The following GSE1 variants were observed in gnomAD, a reference collection of about 807,000 sequenced individuals.
GSE1 encodes the protein Gse1 coiled-coil protein, also known as genetic suppressor element 1.
GSE1 carries 32 observed loss-of-function variants against 112.6 expected under a neutral mutation model. The ratio of observed to expected loss-of-function variants is 0.28; its 90% CI spans 0.21 to 0.38. The LOEUF (loss-of-function observed/expected upper bound fraction) is 0.38, where lower values mean the gene tolerates loss of function less well. GSE1 is among the 10% of genes least tolerant of loss of function. GSE1 has a pLI of 1.00. For missense variants in GSE1, 2,348 were observed against 1,699.2 expected (o/e 1.38, Z -6.71); for synonymous variants, 1,115 against 735.6 (o/e 1.52, Z -8.35).
chr16:85,612,388 T>G (rs950589808), upstream of GSE1, among the ~76,000 whole-genome samples: 1 of 150,960 alleles, frequency 6.6e-6, no homozygotes, highest in African/African-American at 2.4e-5. Flanking sequence ...TGAGGTAGGG[T>G]GGGGGGTGCC....
chr16:85,651,935 G>A (rs1244372624), intron 3 of GSE1, among the ~76,000 whole-genome samples: 1 of 152,224 alleles, frequency 6.6e-6, no homozygotes, highest in Non-Finnish European at 1.5e-5. Context: ...CAGACCCTAG[G>A]AACAGGGTGT....
At chr16:85,213,613 G>A (rs112525682) in intron 1 of GSE1, among the ~76,000 whole-genome samples, 8,264 of 152,308 alleles carry the variant, frequency 0.054, 302 homozygotes, top group East Asian at 0.13. Flanking sequence ...TGCACGGATT[G>A]CAACAGCCAG....
chr16:85,465,453 C>G (rs1448337250), intron 2 of GSE1, among the ~76,000 whole-genome samples: 1 of 152,266 alleles, frequency 6.6e-6, no homozygotes, highest in African/African-American at 2.4e-5. Context: ...GTGCCACATT[C>G]TCCCATTCGT....
At chr16:85,638,459 G>T (rs1051384305) in intron 2 of GSE1, among the ~76,000 whole-genome samples, 1 of 152,222 alleles carries the variant, frequency 6.6e-6, no homozygotes, top group Non-Finnish European at 1.5e-5. Flanking sequence ...GCGAATCGCC[G>T]ATGCATGCCC....
In GSE1 at chr16:85,473,919, G is replaced by A. The variant is rs985310048; in HGVS notation, c.2464+116276G>A. Among the ~76,000 whole-genome samples, 12 of 151,854 alleles carry A rather than the reference G, an allele frequency of 7.9e-5. No individual in the cohort carries two copies. The East Asian group carries it at 1.2e-3, about 15-fold the overall frequency. On this transcript the variant is annotated intron_variant, in intron 2 of 2. Transcript: ENST00000637419. Reference sequence around the variant, plus strand: ...CATGACCAGCTCCGAAAAAAGAGCCGGAGCTGGTCCAATGCCTGGGAGAGA... The same window carrying A: ...CATGACCAGCTCCGAAAAAAGAGCCAGAGCTGGTCCAATGCCTGGGAGAGA...
At chr16:85,466,906 A>G (rs964440226) in intron 2 of GSE1, among the ~76,000 whole-genome samples, 6 of 152,190 alleles carry the variant, frequency 3.9e-5, no homozygotes, top group Non-Finnish European at 5.9e-5. Flanking sequence ...CTGAAAATAT[A>G]AAAATTAGCC....
intron 9 of GSE1, among the ~76,000 whole-genome samples, chr16:85,662,126 C>T (rs374319585): frequency 1.3e-5 from 2 of 152,298 alleles, no homozygotes; most frequent in Admixed American, 6.5e-5. Flanking sequence ...CTGGGCTCAG[C>T]GGGGGCTCCA....
At chr16:85,329,111 C>G (rs1041942951) in intron 1 of GSE1, among the ~76,000 whole-genome samples, 2 of 152,196 alleles carry the variant, frequency 1.3e-5, no homozygotes, top group African/African-American at 4.8e-5. Context: ...GCTCCTCCCC[C>G]TCCCCCACAG....
chr16:85,526,695 G>A (rs972509027), intron 2 of GSE1, among the ~76,000 whole-genome samples: 8 of 152,290 alleles, frequency 5.3e-5, no homozygotes, highest in Admixed American at 2.6e-4. Flanking sequence ...CAGCTTGGCT[G>A]CCTGTGACTG....
At position 85,656,463 on chromosome 16, in the gene GSE1, G is replaced by C; in HGVS notation, c.1110G>C (p.Glu370Asp). 3 of 1,548,932 alleles carry C rather than the reference G, an allele frequency of 1.9e-6. No individual in the cohort carries two copies. The highest frequency in any genetic ancestry group is 2.6e-6 in the Non-Finnish European group (3 of 1,143,882). Reference protein sequence around the residue: ...EREREREKEREQEKEREREKE... With the variant: ...EREREREKERDQEKEREREKE... ...AGCGCGAACGCGAGAAGGAGCGCGA[G>C]CAAGAGAAGGAGCGTGAGCGTGAGA... The change falls in exon 7 of 16, where the codon GAG (glutamate) becomes GAC (aspartate). Residue 370 changes from glutamate to aspartate, a missense_variant. Physicochemically the swap from Glu to Asp is conservative, Grantham distance 45. Coordinates refer to ENST00000253458, the MANE Select transcript of GSE1 (RefSeq NM_014615.5).
At chr16:85,357,136 TC>T (rs1320428956) in intron 1 of GSE1, among the ~76,000 whole-genome samples, 1 of 152,164 alleles carries the variant, frequency 6.6e-6, no homozygotes, top group African/African-American at 2.4e-5. Context: ...GCTTCTGGGC[TC>T]CGTGCAGTGC....
At chr16:85,306,818 A>G (rs1272614188) in intron 1 of GSE1, among the ~76,000 whole-genome samples, 1 of 152,240 alleles carries the variant, frequency 6.6e-6, no homozygotes, top group Non-Finnish European at 1.5e-5. Context: ...AGCGACTTTT[A>G]GGCTGAGCAT....
chr16:85,393,904 C>T (rs550573310), intron 2 of GSE1, among the ~76,000 whole-genome samples: 3 of 152,146 alleles, frequency 2.0e-5, no homozygotes, highest in African/African-American at 7.2e-5. Flanking sequence ...CGCCAGCTTG[C>T]GCCCGGCAGT....
At chr16:85,244,610 G>T (rs940503682) in intron 1 of GSE1, among the ~76,000 whole-genome samples, 1 of 152,214 alleles carries the variant, frequency 6.6e-6, no homozygotes, top group Non-Finnish European at 1.5e-5. Context: ...AGCACGATGG[G>T]AGGCTGAGGC....
intron 1 of GSE1, among the ~76,000 whole-genome samples, chr16:85,245,778 T>G (rs1305082914): frequency 6.6e-6 from 1 of 152,098 alleles, no homozygotes; most frequent in African/African-American, 2.4e-5. Context: ...GGGGGTGCCT[T>G]GTCCAGCTCT....
At chr16:85,590,370 A>T (rs1474149677) in intron 1 of GSE1, among the ~76,000 whole-genome samples, 2 of 135,686 alleles carry the variant, frequency 1.5e-5, no homozygotes, top group South Asian at 2.4e-4. Context: ...AATGAGTGTG[A>T]GTGTGTGAGA....
chr16:85,607,506 A>C (rs554972910), upstream of GSE1, among the ~76,000 whole-genome samples: 10 of 152,322 alleles, frequency 6.6e-5, no homozygotes, highest in South Asian at 6.2e-4. Flanking sequence ...CGGGGTGCGG[A>C]TTGGAACCAG....
intron 15 of GSE1, chr16:85,672,125 A>C (rs549299401): frequency 9.0e-5 from 32 of 354,048 alleles, no homozygotes; most frequent in Non-Finnish European, 1.6e-4. Context: ...CAGCCTCCCG[A>C]GTAGCTAGGA....
intron 2 of GSE1, among the ~76,000 whole-genome samples, chr16:85,537,446 G>C (rs1240064529): frequency 6.6e-6 from 1 of 152,232 alleles, no homozygotes; most frequent in Non-Finnish European, 1.5e-5. Context: ...GAGGGCTTGA[G>C]GGCTGCCCGG....
Sources: gnomAD v4.1 joint callset for allele counts (sites outside exome capture counted in the v4.1 genomes callset) on GRCh38, gnomAD v4.1.1 for gene constraint, MANE v1.5 for transcripts, NCBI Gene and HGNC (gene_info 2026-07-23, HGNC 2026-07-21) for gene names.